RPSA2: variants seen among roughly 807,000 people sequenced by gnomAD.
The protein encoded by RPSA2 is ribosomal protein SA 2.
the RPSA2 span, among the ~76,000 whole-genome samples, chr19:23,789,807 A>G: frequency 2.0e-5 from 3 of 151,176 alleles, no homozygotes; most frequent in South Asian, 6.3e-4. Context: ...TCTCCTGAGT[A>G]GCTGGGACTA....
the RPSA2 span, among the ~76,000 whole-genome samples, chr19:23,811,104 C>T: frequency 1.3e-5 from 2 of 151,560 alleles, no homozygotes; most frequent in Non-Finnish European, 2.9e-5. Context: ...CTGCAACCTC[C>T]GGCTCCCAGG....
At chr19:23,821,754 C>T in the RPSA2 span, among the ~76,000 whole-genome samples, 3 of 152,312 alleles carry the variant, frequency 2.0e-5, no homozygotes, top group East Asian at 3.9e-4. Flanking sequence ...TCCCCTTAGC[C>T]TCAGCCATCT....
At chr19:23,866,173 C>T in the RPSA2 span, among the ~76,000 whole-genome samples, 1 of 152,168 alleles carries the variant, frequency 6.6e-6, no homozygotes, top group African/African-American at 2.4e-5. Flanking sequence ...ATGTTTGGAG[C>T]ACAATTCCTG....
the RPSA2 span, among the ~76,000 whole-genome samples, chr19:23,828,681 T>C: frequency 6.6e-5 from 10 of 151,464 alleles, 1 homozygote; most frequent in Admixed American, 5.9e-4. Flanking sequence ...ATGTGGTCTT[T>C]CAAGGGAAAT....
At chr19:23,852,522 C>T in the RPSA2 span, among the ~76,000 whole-genome samples, 7,996 of 152,254 alleles carry the variant, frequency 0.053, 429 homozygotes, top group African/African-American at 0.12. Flanking sequence ...TTAAGGAAAA[C>T]GAAAGGATGG....
the RPSA2 span, among the ~76,000 whole-genome samples, chr19:23,802,815 T>C: frequency 6.6e-6 from 1 of 152,206 alleles, no homozygotes; most frequent in Non-Finnish European, 1.5e-5. Context: ...TTATGCATCA[T>C]ATGGTGGGTA....
chr19:23,833,532 T>G, the RPSA2 span, among the ~76,000 whole-genome samples: 1 of 152,128 alleles, frequency 6.6e-6, no homozygotes, highest in Non-Finnish European at 1.5e-5. Flanking sequence ...GTAAGGTAAT[T>G]CATACTGGAG....
the RPSA2 span, among the ~76,000 whole-genome samples, chr19:23,863,626 G>A: frequency 1.3e-5 from 2 of 149,388 alleles, no homozygotes; most frequent in African/African-American, 4.9e-5. Context: ...GCATGTCATA[G>A]TTTCTGGTGT....
chr19:23,791,941 C>T, the RPSA2 span, among the ~76,000 whole-genome samples: 2 of 152,024 alleles, frequency 1.3e-5, no homozygotes, highest in Non-Finnish European at 2.9e-5. Flanking sequence ...AGGCTGGTCT[C>T]GAGCTCCTGG....
At chr19:23,862,729 G>A in the RPSA2 span, among the ~76,000 whole-genome samples, 2 of 150,084 alleles carry the variant, frequency 1.3e-5, no homozygotes, top group African/African-American at 4.9e-5. Context: ...AATCCCAGGT[G>A]CACATGTACC....
At chr19:23,818,040 A>G in the RPSA2 span, 1 of 152,166 alleles carries the variant, frequency 6.6e-6, no homozygotes, top group African/African-American at 2.4e-5. Context: ...GGGGATAAGG[A>G]CTAGTTTTCT....
chr19:23,835,393 A>G, the RPSA2 span, among the ~76,000 whole-genome samples: 5 of 152,098 alleles, frequency 3.3e-5, no homozygotes, highest in African/African-American at 1.2e-4. Context: ...GCAGAAAAAA[A>G]TATTAGAACA....
chr19:23,786,472 A>G, the RPSA2 span, among the ~76,000 whole-genome samples: 15 of 152,116 alleles, frequency 9.9e-5, no homozygotes, highest in Non-Finnish European at 1.6e-4. Flanking sequence ...AATTTTAAGT[A>G]TTGTCAATTT....
the RPSA2 span, among the ~76,000 whole-genome samples, chr19:23,825,175 TCACCA>T: frequency 6.6e-6 from 1 of 152,102 alleles, no homozygotes; most frequent in Non-Finnish European, 1.5e-5. Flanking sequence ...AGACTGGGTT[TCACCA>T]TGTTAGCCAG....
the RPSA2 span, among the ~76,000 whole-genome samples, chr19:23,812,115 T>A: frequency 6.6e-6 from 1 of 152,168 alleles, no homozygotes; most frequent in Admixed American, 6.5e-5. Context: ...GAGTAAACAT[T>A]TATTATTGTC....
the RPSA2 span, among the ~76,000 whole-genome samples, chr19:23,773,841 T>C: frequency 2.0e-5 from 3 of 152,184 alleles, no homozygotes; most frequent in African/African-American, 7.2e-5. Context: ...ACAAATTTAG[T>C]TCATCGTTGA....
At chr19:23,812,375 A>ATTCT in the RPSA2 span, among the ~76,000 whole-genome samples, 1 of 98,920 alleles carries the variant, frequency 1.0e-5, no homozygotes, top group African/African-American at 3.9e-5. Flanking sequence ...TTCTTAGCTC[A>ATTCT]TTCTCTTTTT....
chr19:23,762,975 C>T, the RPSA2 span: 3 of 152,354 alleles, frequency 2.0e-5, no homozygotes, highest in Non-Finnish European at 4.4e-5. Flanking sequence ...TTCCGACATT[C>T]CGCGGGGTCT....
At chr19:23,836,739 G>A in the RPSA2 span, among the ~76,000 whole-genome samples, 7 of 151,964 alleles carry the variant, frequency 4.6e-5, no homozygotes, top group Non-Finnish European at 1.0e-4. Context: ...TCGCATTGTG[G>A]TTTGATTTGC....
Sources: gnomAD v4.1 joint callset for allele counts (sites outside exome capture counted in the v4.1 genomes callset) on GRCh38, gnomAD v4.1.1 for gene constraint, MANE v1.5 for transcripts, NCBI Gene and HGNC (gene_info 2026-07-23, HGNC 2026-07-21) for gene names.